Variants in SEMA4F observed in about 807,000 individuals in gnomAD.
SEMA4F encodes semaphorin-4F.
In SEMA4F, 51 loss-of-function variants were observed where a neutral mutation model predicts 78.4. The observed-to-expected ratio is 0.65, with a 90% CI of 0.52 to 0.82. The LOEUF is 0.82. SEMA4F is among the 40% of genes least tolerant of loss of function. SEMA4F has a pLI of 0.00. For missense variants in SEMA4F, 938 were observed against 1,014.4 expected, an observed-to-expected ratio of 0.92 and a Z score of 1.02; for synonymous variants, 418 against 408.7, an observed-to-expected ratio of 1.02 and a Z score of -0.27.
intron 1 of SEMA4F, 30 bp downstream of exon 1, chr2:74,654,551 C>T (rs571030888): frequency 3.9e-5 from 59 of 1,518,720 alleles, no homozygotes; most frequent in Non-Finnish European, 4.9e-5. Flanking sequence ...GCCCTCAGCC[C>T]TTCGCGCCCA....
At chr2:74,708,733 A>AT in the SEMA4F span, among the ~76,000 whole-genome samples, 1 of 152,228 alleles carries the variant, frequency 6.6e-6, no homozygotes, top group East Asian at 1.9e-4. Context: ...AAGACAACAA[A>AT]TGCCAATGTT....
chr2:74,679,141 G>T, intron 12 of SEMA4F, 135 bp from the exon 13 acceptor site: 1 of 778,056 alleles, frequency 1.3e-6, no homozygotes, highest in Non-Finnish European at 2.2e-6. Flanking sequence ...GTGATGAGGA[G>T]AAACTTGACT....
In SEMA4F at chr2:74,680,452, C is replaced by G. The variant is rs1044413566; in HGVS notation, c.*243C>G. 11 of 454,890 alleles carry G rather than the reference C, an allele frequency of 2.4e-5. No individual in the cohort carries two copies. Among genetic ancestry groups the G allele is most frequent in the Non-Finnish European group, 3.8e-5 (10 of 259,806 alleles). The allele number at this position is 454,890 out of a possible 1,614,324, so 28.2% of individuals were successfully genotyped here. Reference sequence around the variant, plus strand: ...TTCTGCAGCAAATCAGGGCTTCCCCCTAACATCTGAACTCCTGTAAACCTT... The same window carrying G: ...TTCTGCAGCAAATCAGGGCTTCCCCGTAACATCTGAACTCCTGTAAACCTT... On this transcript the variant is annotated 3_prime_UTR_variant, in exon 14 of 14. Coordinates refer to ENST00000357877, the MANE Select transcript of SEMA4F (RefSeq NM_004263.5).
chr2:74,691,554 C>T, the SEMA4F span, among the ~76,000 whole-genome samples: 1 of 152,196 alleles, frequency 6.6e-6, no homozygotes, highest in Non-Finnish European at 1.5e-5. Context: ...CGTACTTTTC[C>T]AAACCTTGCA....
chr2:74,706,038 G>T, the SEMA4F span, among the ~76,000 whole-genome samples: 1 of 150,410 alleles, frequency 6.6e-6, no homozygotes, highest in African/African-American at 2.5e-5. Flanking sequence ...ATTTTAATTT[G>T]CATTAAATTA....
At chr2:74,686,261 G>T (rs1413031875), downstream of SEMA4F, among the ~76,000 whole-genome samples, 1 of 151,982 alleles carries the variant, frequency 6.6e-6, no homozygotes, top group African/African-American at 2.4e-5. Flanking sequence ...CACCACGCCC[G>T]GCTAATTTTT....
At chr2:74,690,180 T>G in the SEMA4F span, among the ~76,000 whole-genome samples, 1 of 152,124 alleles carries the variant, frequency 6.6e-6, no homozygotes, top group African/African-American at 2.4e-5. Context: ...TAACCCCAAC[T>G]TGCTTGACTA....
the SEMA4F span, among the ~76,000 whole-genome samples, chr2:74,700,222 A>C: frequency 6.6e-6 from 1 of 152,164 alleles, no homozygotes; most frequent in Non-Finnish European, 1.5e-5. Context: ...CAGAGCAGAC[A>C]TCTCTGAAAG....
intron 13 of SEMA4F, 54 bp downstream of exon 13, chr2:74,679,388 G>A: frequency 6.6e-7 from 1 of 1,518,380 alleles, no homozygotes; most frequent in African/African-American, 1.4e-5. Context: ...ATGGAAAGGG[G>A]CTAGAGAGTT....
Position 74,682,735 on chromosome 2 carries a change from T to G in SEMA4F, c.*2526T>G, listed in dbSNP as rs1685688559. The stretch of plus-strand genomic sequence containing the variant: ...GGGGAGGGAGGAAGGTGGGGAGATG[T>G]CAAAGGGGACTGGGCTTCCTGTGGG... On this transcript the variant is annotated 3_prime_UTR_variant, in exon 14 of 14. Coordinates refer to ENST00000357877, the MANE Select transcript of SEMA4F (RefSeq NM_004263.5). 6.6e-6 allele frequency: 1 copy of G among 152,254 alleles called. No individual in the cohort carries two copies. Among genetic ancestry groups the G allele is most frequent in the Non-Finnish European group, 1.5e-5 (1 of 68,180 alleles). 9.4% of individuals were successfully genotyped at this position (152,254 alleles called of 1,614,324 possible).
chr2:74,706,682 G>A, the SEMA4F span, among the ~76,000 whole-genome samples: 1 of 152,164 alleles, frequency 6.6e-6, no homozygotes, highest in African/African-American at 2.4e-5. Flanking sequence ...CACGAGGTTT[G>A]TTGATTCATA....
rs115525626 is a variant in SEMA4F at position 74,657,184 on chromosome 2, G to A, written c.298-381G>A. On this transcript the variant is annotated intron_variant, in intron 2 of 13. Coordinates refer to ENST00000357877, the MANE Select transcript of SEMA4F (RefSeq NM_004263.5). The stretch of plus-strand genomic sequence containing the variant: ...GATGCTCAACCAGTATGTATTCTGC[G>A]AATATCCCCAAACCTGAAAAAATCT... Among the ~76,000 whole-genome samples, 683 of 152,208 alleles carry A rather than the reference G, an allele frequency of 4.5e-3. 6 individuals are homozygous for A. The highest frequency in any genetic ancestry group is 0.016 in the African/African-American group (655 of 41,520).
chr2:74,701,300 C>G, the SEMA4F span, among the ~76,000 whole-genome samples: 4 of 152,106 alleles, frequency 2.6e-5, no homozygotes, highest in South Asian at 4.1e-4. Context: ...AGCCTGGGAC[C>G]CACTAGCTTT....
At chr2:74,699,389 C>T in the SEMA4F span, among the ~76,000 whole-genome samples, 2 of 152,126 alleles carry the variant, frequency 1.3e-5, no homozygotes, top group African/African-American at 4.8e-5. Context: ...CAGATACCTC[C>T]TAGGTTTTCA....
At chr2:74,664,028 T>C (rs906131156) in intron 5 of SEMA4F, among the ~76,000 whole-genome samples, 11 of 152,198 alleles carry the variant, frequency 7.2e-5, no homozygotes, top group African/African-American at 2.7e-4. Context: ...ATCACAAACC[T>C]AAACCTCTTC....
the SEMA4F span, among the ~76,000 whole-genome samples, chr2:74,698,090 T>C: frequency 1.3e-5 from 2 of 152,180 alleles, no homozygotes; most frequent in East Asian, 1.9e-4. Flanking sequence ...AGAAGGAAGT[T>C]TGGACTCCAG....
rs1685568624 is a variant in SEMA4F at position 74,680,721 on chromosome 2, T to G, written c.*512T>G. On this transcript the variant is annotated 3_prime_UTR_variant, in exon 14 of 14. Coordinates refer to ENST00000357877, the MANE Select transcript of SEMA4F (RefSeq NM_004263.5). ...GCCCTGAGATCTTCCCCATCTCAGTTTTCCTTCCATGAAAGAGTACGTGTA... is the reference window on the plus strand; with the variant it reads ...GCCCTGAGATCTTCCCCATCTCAGTGTTCCTTCCATGAAAGAGTACGTGTA... 1 of 153,762 alleles carries G rather than the reference T, an allele frequency of 6.5e-6. No individual in the cohort carries two copies. Among genetic ancestry groups the G allele is most frequent in the Non-Finnish European group, 1.4e-5 (1 of 69,180 alleles). The allele number at this position is 153,762 out of a possible 1,614,324, so 9.5% of individuals were successfully genotyped here.
At chr2:74,672,948 A>C (rs1264560433) in intron 5 of SEMA4F, among the ~76,000 whole-genome samples, 2 of 152,236 alleles carry the variant, frequency 1.3e-5, no homozygotes, top group African/African-American at 4.8e-5. Flanking sequence ...ATCTGCATTT[A>C]AATCACTTCC....
At chr2:74,692,197 G>C in the SEMA4F span, among the ~76,000 whole-genome samples, 1 of 152,208 alleles carries the variant, frequency 6.6e-6, no homozygotes, top group South Asian at 2.1e-4. Flanking sequence ...CAGGGTGCAG[G>C]GTGGAGAATA....
Sources: allele counts gnomAD v4.1 joint callset (sites outside exome capture counted in the v4.1 genomes callset), GRCh38; gene constraint gnomAD v4.1.1; transcripts MANE v1.5; gene names NCBI Gene and HGNC (gene_info 2026-07-23, HGNC 2026-07-21).